VAT1L: variants seen among roughly 807,000 people sequenced by gnomAD.
The protein encoded by VAT1L is vesicle amine transport 1 like.
A neutral mutation model predicts 44.1 loss-of-function variants in VAT1L; 34 were observed. The observed-to-expected ratio is 0.77, with a 90% CI of 0.59 to 1.03. The LOEUF (loss-of-function observed/expected upper bound fraction) is 1.03. Ranked by LOEUF, VAT1L falls within the 50% of genes least tolerant of loss-of-function variation. The pLI is 0.00. For synonymous variants in VAT1L, 253 were observed against 202.2 expected, an observed-to-expected ratio of 1.25 and a Z score of -2.13; for missense variants, 615 against 538.8, an observed-to-expected ratio of 1.14 and a Z score of -1.40.
chr16:77,824,754 T>G (rs1192399086), intron 2 of VAT1L, among the ~76,000 whole-genome samples: 2 of 87,778 alleles, frequency 2.3e-5, no homozygotes, highest in African/African-American at 4.2e-5. Flanking sequence ...AGACTCCATC[T>G]CAAAAAAAAA....
At chr16:77,930,893 A>G (rs2017724247) in intron 7 of VAT1L, among the ~76,000 whole-genome samples, 1 of 152,158 alleles carries the variant, frequency 6.6e-6, no homozygotes, top group Non-Finnish European at 1.5e-5. Flanking sequence ...AATTTAATCT[A>G]AGACACAACA....
chr16:77,799,535 GT>G (rs2016005867), intron 1 of VAT1L, among the ~76,000 whole-genome samples: 1 of 150,886 alleles, frequency 6.6e-6, no homozygotes. Context: ...GTGTGTGTGT[GT>G]GTGTGTGTGT....
At chr16:77,934,145 T>G (rs2017764991) in intron 7 of VAT1L, among the ~76,000 whole-genome samples, 1 of 152,026 alleles carries the variant, frequency 6.6e-6, no homozygotes, top group Non-Finnish European at 1.5e-5. Flanking sequence ...AAAGAGAAGG[T>G]GAAAAGTCAT....
At chr16:77,865,362 C>T (rs1315348532) in intron 4 of VAT1L, among the ~76,000 whole-genome samples, 2 of 152,084 alleles carry the variant, frequency 1.3e-5, no homozygotes, top group Non-Finnish European at 2.9e-5. Flanking sequence ...GACTTCCTTA[C>T]GTGTATTTTT....
At chr16:77,942,710 C>T (rs924041497) in intron 7 of VAT1L, among the ~76,000 whole-genome samples, 2 of 152,056 alleles carry the variant, frequency 1.3e-5, no homozygotes, top group South Asian at 4.2e-4. Context: ...ATTCAGTAAC[C>T]ACCCTGTTTT....
intron 7 of VAT1L, among the ~76,000 whole-genome samples, chr16:77,971,297 G>A (rs901052365): frequency 1.4e-4 from 21 of 152,148 alleles, no homozygotes; most frequent in African/African-American, 5.1e-4. Flanking sequence ...GAAACAGGAG[G>A]CCCTCTTTCC....
intron 7 of VAT1L, among the ~76,000 whole-genome samples, chr16:77,904,523 G>A (rs2142479319): frequency 6.6e-6 from 1 of 152,276 alleles, no homozygotes; most frequent in South Asian, 2.1e-4. Context: ...ACTCTGTGGA[G>A]TCTCTTCTTA....
intron 1 of VAT1L, among the ~76,000 whole-genome samples, chr16:77,803,595 A>AT (rs752067969): frequency 2.0e-5 from 3 of 151,640 alleles, no homozygotes; most frequent in Admixed American, 1.3e-4. Flanking sequence ...AATTTTTTGT[A>AT]TTTTTAGTAG....
chr16:77,829,007 C>T (rs1244449641), intron 3 of VAT1L, among the ~76,000 whole-genome samples: 4 of 152,166 alleles, frequency 2.6e-5, no homozygotes, highest in Non-Finnish European at 5.9e-5. Flanking sequence ...GGGGCTGCCT[C>T]TCTCCCTCCC....
chr16:77,902,484 T>G (rs1452459111), intron 7 of VAT1L, among the ~76,000 whole-genome samples: 1 of 152,028 alleles, frequency 6.6e-6, no homozygotes, highest in Non-Finnish European at 1.5e-5. Context: ...CAAAACCAAT[T>G]TAAATGCTTT....
intron 7 of VAT1L, among the ~76,000 whole-genome samples, chr16:77,941,243 C>T (rs949563504): frequency 1.3e-5 from 2 of 152,208 alleles, no homozygotes; most frequent in Admixed American, 1.3e-4. Context: ...GCTAGTGGGG[C>T]CTTTTGGAGG....
At chr16:77,837,820 T>C (rs1299483675) in intron 3 of VAT1L, among the ~76,000 whole-genome samples, 9 of 152,224 alleles carry the variant, frequency 5.9e-5, no homozygotes, top group Non-Finnish European at 1.5e-5. Context: ...GGGGGTCTTG[T>C]AATGGACTTA....
chr16:77,854,660 T>C (rs1281288983), intron 3 of VAT1L, among the ~76,000 whole-genome samples: 1 of 152,262 alleles, frequency 6.6e-6, no homozygotes, highest in South Asian at 2.1e-4. Context: ...GATGAAAAAA[T>C]AAACTGACAA....
chr16:77,912,481 G>C (rs933220582), intron 7 of VAT1L, among the ~76,000 whole-genome samples: 1 of 152,026 alleles, frequency 6.6e-6, no homozygotes, highest in Non-Finnish European at 1.5e-5. Flanking sequence ...GCAGTGACAT[G>C]GTCACGGCTC....
At chr16:77,895,161 A>G (rs2017310492) in intron 7 of VAT1L, among the ~76,000 whole-genome samples, 1 of 142,894 alleles carries the variant, frequency 7.0e-6, no homozygotes, top group Non-Finnish European at 1.5e-5. Context: ...AGCTGGCCTC[A>G]TGTGTTTTCT....
At chr16:77,918,531 C>A (rs949061456) in intron 7 of VAT1L, among the ~76,000 whole-genome samples, 4 of 152,134 alleles carry the variant, frequency 2.6e-5, no homozygotes, top group Middle Eastern at 6.3e-3. Flanking sequence ...CTTCCTCAAC[C>A]CTTGCTCTCC....
At chr16:77,854,818 T>G (rs2016841778) in intron 3 of VAT1L, among the ~76,000 whole-genome samples, 1 of 152,184 alleles carries the variant, frequency 6.6e-6, no homozygotes, top group Non-Finnish European at 1.5e-5. Context: ...AAAACAACTT[T>G]TAGAAGAGAT....
intron 3 of VAT1L, among the ~76,000 whole-genome samples, chr16:77,836,008 AC>A (rs1404519405): frequency 6.6e-6 from 1 of 152,130 alleles, no homozygotes; most frequent in African/African-American, 2.4e-5. Context: ...CATCTTCCTA[AC>A]CACACTAAGA....
intron 4 of VAT1L, among the ~76,000 whole-genome samples, chr16:77,869,186 G>A (rs2017005403): frequency 6.6e-6 from 1 of 152,156 alleles, no homozygotes; most frequent in African/African-American, 2.4e-5. Context: ...AGGAGAACGA[G>A]AGAATGACCT....
Sources: allele counts gnomAD v4.1 joint callset (sites outside exome capture counted in the v4.1 genomes callset), GRCh38; gene constraint gnomAD v4.1.1; transcripts MANE v1.5; gene names NCBI Gene and HGNC (gene_info 2026-07-23, HGNC 2026-07-21).